CSMD1: variants seen among roughly 807,000 people sequenced by gnomAD.
CSMD1 encodes CUB and Sushi multiple domains 1, also known as CUB and sushi domain-containing protein 1.
In CSMD1, 213 loss-of-function variants were observed where a neutral mutation model predicts 417.5. The ratio of observed to expected loss-of-function variants is 0.51; its 90% CI spans 0.46 to 0.57. The LOEUF is 0.57. Among genes scored for constraint, CSMD1 ranks in the 20% least tolerant of loss-of-function variants. The probability of loss-of-function intolerance (pLI) is 0.00; values close to 1 mark genes in which losing one functional copy is unlikely to be tolerated. For synonymous variants in CSMD1, 2,862 were observed against 1,736.8 expected (o/e 1.65, Z -16.11); for missense variants, 6,923 against 4,529.7 (o/e 1.53, Z -15.17).
intron 25 of CSMD1, among the ~76,000 whole-genome samples, chr8:3,296,917 G>A (rs1038261687): frequency 5.9e-5 from 9 of 152,134 alleles, no homozygotes; most frequent in Non-Finnish European, 1.3e-4. Flanking sequence ...CACGTAAGTT[G>A]GAGTTTCAGA....
chr8:3,298,858 G>C (rs1213354696), intron 25 of CSMD1, among the ~76,000 whole-genome samples: 1 of 152,198 alleles, frequency 6.6e-6, no homozygotes, highest in Non-Finnish European at 1.5e-5. Context: ...GGTCTATCCT[G>C]AGTCCAGATA....
chr8:4,169,705 G>A (rs780823224), intron 3 of CSMD1, among the ~76,000 whole-genome samples: 14 of 152,230 alleles, frequency 9.2e-5, no homozygotes, highest in Non-Finnish European at 1.5e-4. Flanking sequence ...CCTGTGCATG[G>A]CTTGCTCCCT....
chr8:3,704,026 C>G (rs1801023142), intron 7 of CSMD1, among the ~76,000 whole-genome samples: 1 of 152,086 alleles, frequency 6.6e-6, no homozygotes, highest in South Asian at 2.1e-4. Flanking sequence ...AGCTGAGATC[C>G]TGCCACTGCA....
chr8:4,554,287 T>C (rs1206969833), intron 2 of CSMD1, among the ~76,000 whole-genome samples: 1 of 152,012 alleles, frequency 6.6e-6, no homozygotes, highest in Non-Finnish European at 1.5e-5. Flanking sequence ...CAGGCATGCG[T>C]CACGATGCCC....
intron 3 of CSMD1, among the ~76,000 whole-genome samples, chr8:4,292,281 C>G (rs1362390510): frequency 1.8e-4 from 28 of 152,080 alleles, no homozygotes; most frequent in Non-Finnish European, 8.8e-5. Context: ...GAGACAGAGT[C>G]TCGCTCTGTC....
chr8:3,291,084 A>T (rs1423002194), intron 25 of CSMD1, among the ~76,000 whole-genome samples: 3 of 152,156 alleles, frequency 2.0e-5, no homozygotes, highest in Non-Finnish European at 2.9e-5. Context: ...TGAGATAATC[A>T]TGTGGTTTTT....
intron 10 of CSMD1, among the ~76,000 whole-genome samples, chr8:3,558,278 G>C (rs1343304627): frequency 6.6e-6 from 1 of 150,386 alleles, no homozygotes; most frequent in Non-Finnish European, 1.5e-5. Context: ...CTCCAGTGAT[G>C]AATGGTGCCT....
At chr8:4,285,881 G>A (rs1797031792) in intron 3 of CSMD1, among the ~76,000 whole-genome samples, 1 of 152,124 alleles carries the variant, frequency 6.6e-6, no homozygotes, top group African/African-American at 2.4e-5. Context: ...CTTCCAGCCT[G>A]GAAAGTAATC....
intron 50 of CSMD1, 128 bp downstream of exon 50, chr8:3,052,334 G>A (rs543925661): frequency 3.1e-6 from 2 of 640,690 alleles, no homozygotes; most frequent in African/African-American, 3.7e-5. Flanking sequence ...ATATTGCTAT[G>A]ATGAAAGACA....
chr8:3,309,438 A>G (rs1805153847), intron 23 of CSMD1, among the ~76,000 whole-genome samples: 1 of 141,910 alleles, frequency 7.0e-6, no homozygotes, highest in Non-Finnish European at 1.6e-5. Context: ...GAATCATTAT[A>G]ATGACCTCAT....
chr8:3,638,020 C>G (rs993433679), intron 7 of CSMD1, among the ~76,000 whole-genome samples: 2 of 152,096 alleles, frequency 1.3e-5, no homozygotes, highest in Non-Finnish European at 2.9e-5. Context: ...ACCTATTTTT[C>G]ATTATAAATT....
chr8:3,655,787 T>A (rs1798071372), intron 7 of CSMD1, among the ~76,000 whole-genome samples: 1 of 151,474 alleles, frequency 6.6e-6, no homozygotes, highest in African/African-American at 2.4e-5. Context: ...AAAGGTAGAG[T>A]CTAATAGCAA....
At chr8:4,742,750 G>A (rs779845877) in intron 1 of CSMD1, among the ~76,000 whole-genome samples, 1 of 152,130 alleles carries the variant, frequency 6.6e-6, no homozygotes, top group Non-Finnish European at 1.5e-5. Flanking sequence ...AAAAACAAAT[G>A]TATGGTCTAT....
intron 3 of CSMD1, among the ~76,000 whole-genome samples, chr8:4,259,889 G>C (rs147511816): frequency 2.6e-5 from 4 of 151,946 alleles, no homozygotes; most frequent in Non-Finnish European, 5.9e-5. Context: ...TTTATTTTTT[G>C]CTACCGCATA....
At chr8:3,310,439 A>ATGAC (rs1362393600) in intron 23 of CSMD1, among the ~76,000 whole-genome samples, 3 of 152,220 alleles carry the variant, frequency 2.0e-5, no homozygotes, top group African/African-American at 7.2e-5. Context: ...TAGAGGCAGA[A>ATGAC]TGACTTGTTG....
At chr8:4,296,629 T>G (rs7005511) in intron 3 of CSMD1, among the ~76,000 whole-genome samples, 9 of 150,524 alleles carry the variant, frequency 6.0e-5, no homozygotes, top group Admixed American at 5.3e-4. Context: ...GTTATTTAGT[T>G]AATATTCACT....
intron 3 of CSMD1, among the ~76,000 whole-genome samples, chr8:4,412,083 G>A (rs1012172656): frequency 2.6e-5 from 4 of 151,756 alleles, no homozygotes; most frequent in Admixed American, 6.6e-5. Flanking sequence ...ATTTCTCAAC[G>A]TGCAAGAGTG....
chr8:3,293,024 G>A (rs952622955), intron 25 of CSMD1, among the ~76,000 whole-genome samples: 4 of 151,756 alleles, frequency 2.6e-5, no homozygotes, highest in African/African-American at 4.8e-5. Context: ...CAGGCCTGGT[G>A]GTGACAAAAT....
At chr8:4,949,848 A>T (rs1388532525) in intron 1 of CSMD1, among the ~76,000 whole-genome samples, 3 of 152,178 alleles carry the variant, frequency 2.0e-5, no homozygotes, top group Non-Finnish European at 4.4e-5. Context: ...ATATAGAGAG[A>T]ATATATAAGG....
Sources: gnomAD v4.1 joint callset for allele counts (sites outside exome capture counted in the v4.1 genomes callset) on GRCh38, gnomAD v4.1.1 for gene constraint, MANE v1.5 for transcripts, NCBI Gene and HGNC (gene_info 2026-07-23, HGNC 2026-07-21) for gene names.